The following MED13L variants were observed in gnomAD, a reference collection of about 807,000 sequenced individuals.
MED13L encodes the protein mediator complex subunit 13L, also known as mediator of RNA polymerase II transcription subunit 13-like.
A neutral mutation model predicts 220.9 loss-of-function variants in MED13L; 7 were observed. The observed-to-expected ratio is 0.03, with a 90% CI of 0.02 to 0.06. The LOEUF (loss-of-function observed/expected upper bound fraction) is 0.06. Ranked by LOEUF, MED13L falls within the 10% of genes least tolerant of loss-of-function variation. MED13L has a pLI of 1.00. For synonymous variants in MED13L, 1,011 were observed against 1,015.2 expected (o/e 1.00, Z 0.08); for missense variants, 1,965 against 2,760.5 (o/e 0.71, Z 6.46).
intron 4 of MED13L, among the ~76,000 whole-genome samples, chr12:116,059,401 A>T (rs1424621895): frequency 6.6e-6 from 1 of 151,778 alleles, no homozygotes; most frequent in East Asian, 1.9e-4. Flanking sequence ...ACCCTCCAGT[A>T]AAAAATTATA....
At position 115,960,146 on chromosome 12, in the gene MED13L, T is replaced by G. The variant is rs1007565064; in HGVS notation, c.*1120A>C. The G allele has an allele frequency of 6.6e-6, 1 of 152,656 alleles. No individual in the cohort carries two copies. Among genetic ancestry groups the G allele is most frequent in the Non-Finnish European group, 1.5e-5 (1 of 68,034 alleles). 9.5% of individuals were successfully genotyped at this position (152,656 alleles called of 1,614,324 possible). A position where few individuals can be genotyped will look rare whatever the true frequency, so the allele number is the denominator to read the frequency against. On this transcript the variant is annotated 3_prime_UTR_variant, in exon 31 of 31. Coordinates refer to ENST00000281928, the MANE Select transcript of MED13L (RefSeq NM_015335.5). ...AAGTACTAATTTAATGGTTAAGTTG[T>G]AATATTTCTTTGAAATAATATTCCT... is the stretch of plus-strand genomic sequence containing the variant.
chr12:116,093,517 G>A (rs897907492), intron 4 of MED13L, among the ~76,000 whole-genome samples: 1 of 151,918 alleles, frequency 6.6e-6, no homozygotes, highest in Non-Finnish European at 1.5e-5. Flanking sequence ...CTTTAAAGGA[G>A]TACAGAAAGA....
At chr12:116,004,793 G>A (rs1878949370) in intron 13 of MED13L, among the ~76,000 whole-genome samples, 1 of 151,982 alleles carries the variant, frequency 6.6e-6, no homozygotes, top group Non-Finnish European at 1.5e-5. Context: ...ACTTATAACA[G>A]TAATGGTATA....
At chr12:116,268,593 T>A (rs1196163503) in intron 1 of MED13L, among the ~76,000 whole-genome samples, 1 of 151,138 alleles carries the variant, frequency 6.6e-6, no homozygotes, top group Non-Finnish European at 1.5e-5. Context: ...TGAAACCGCC[T>A]GAGCAACATA....
intron 4 of MED13L, among the ~76,000 whole-genome samples, chr12:116,083,364 T>A (rs1271549917): frequency 7.6e-6 from 1 of 132,284 alleles, no homozygotes; most frequent in Non-Finnish European, 1.5e-5. Context: ...ATCGCGTCAC[T>A]GCACTTCAGC....
At chr12:116,160,452 T>C (rs528703988) in intron 2 of MED13L, among the ~76,000 whole-genome samples, 2 of 152,250 alleles carry the variant, frequency 1.3e-5, no homozygotes, top group African/African-American at 4.8e-5. Flanking sequence ...AGCAGCATGA[T>C]GTAGCAGGAA....
chr12:116,089,573 T>C (rs1349087545), intron 4 of MED13L, among the ~76,000 whole-genome samples: 2 of 152,180 alleles, frequency 1.3e-5, no homozygotes, highest in African/African-American at 4.8e-5. Context: ...TCAAGAGTCT[T>C]AAATTTTTAA....
At chr12:116,025,776 TAA>T (rs1880350616) in intron 4 of MED13L, among the ~76,000 whole-genome samples, 1 of 152,148 alleles carries the variant, frequency 6.6e-6, no homozygotes, top group Non-Finnish European at 1.5e-5. Context: ...TTAGAAACAA[TAA>T]GTTCTAGTAT....
intron 2 of MED13L, among the ~76,000 whole-genome samples, chr12:116,216,248 T>C (rs1310545879): frequency 7.2e-5 from 11 of 152,194 alleles, no homozygotes; most frequent in African/African-American, 2.7e-4. Context: ...TGGGTTCAAC[T>C]GATCCTCCAG....
chr12:116,134,922 C>G (rs1876399771), intron 2 of MED13L, among the ~76,000 whole-genome samples: 1 of 152,156 alleles, frequency 6.6e-6, no homozygotes, highest in Non-Finnish European at 1.5e-5. Context: ...GTAACCCCAG[C>G]ACTTTGGGAG....
chr12:116,008,016 C>G, intron 10 of MED13L: 1 of 329,776 alleles, frequency 3.0e-6, no homozygotes, highest in South Asian at 4.5e-5. Flanking sequence ...AAATATTATA[C>G]TAGATACATG....
chr12:116,152,900 G>C (rs964455473), intron 2 of MED13L, among the ~76,000 whole-genome samples: 4 of 151,668 alleles, frequency 2.6e-5, no homozygotes, highest in African/African-American at 9.7e-5. Context: ...ATTCTATCTA[G>C]ATTTTCATAT....
intron 2 of MED13L, among the ~76,000 whole-genome samples, chr12:116,125,580 T>A (rs964088737): frequency 3.3e-5 from 5 of 152,200 alleles, no homozygotes; most frequent in Non-Finnish European, 7.3e-5. Context: ...AAAATTTTCA[T>A]CATCTGAAAT....
intron 2 of MED13L, among the ~76,000 whole-genome samples, chr12:116,186,177 A>C (rs1237595914): frequency 6.6e-6 from 1 of 152,246 alleles, no homozygotes; most frequent in Non-Finnish European, 1.5e-5. Flanking sequence ...GAATTAACAT[A>C]GCATAGCTAT....
chr12:116,080,318 G>A (rs1438504132), intron 4 of MED13L, among the ~76,000 whole-genome samples: 2 of 152,168 alleles, frequency 1.3e-5, no homozygotes. Context: ...AAATAAAAAT[G>A]TGACAAAAAT....
chr12:115,990,944 T>A, intron 17 of MED13L, 76 bp downstream of exon 17: 1 of 1,506,612 alleles, frequency 6.6e-7, no homozygotes, highest in South Asian at 1.2e-5. Context: ...TTTTGTCAAA[T>A]ACAGTAAAGA....
At chr12:116,161,840 T>C (rs749414876) in intron 2 of MED13L, among the ~76,000 whole-genome samples, 1 of 152,126 alleles carries the variant, frequency 6.6e-6, no homozygotes, top group Non-Finnish European at 1.5e-5. Flanking sequence ...ACCTAACCAC[T>C]CCCCTCATCA....
At chr12:116,249,884 T>C (rs923489746) in intron 1 of MED13L, among the ~76,000 whole-genome samples, 1 of 150,788 alleles carries the variant, frequency 6.6e-6, no homozygotes, top group Non-Finnish European at 1.5e-5. Context: ...CAATCTAACA[T>C]ACACGCCATT....
At chr12:116,135,744 C>T (rs761205791) in intron 2 of MED13L, among the ~76,000 whole-genome samples, 1 of 152,118 alleles carries the variant, frequency 6.6e-6, no homozygotes, top group African/African-American at 2.4e-5. Flanking sequence ...GGAGCAAGTA[C>T]ATGTCCCTAA....
Sources: allele counts gnomAD v4.1 joint callset (sites outside exome capture counted in the v4.1 genomes callset), GRCh38; gene constraint gnomAD v4.1.1; transcripts MANE v1.5; gene names NCBI Gene and HGNC (gene_info 2026-07-23, HGNC 2026-07-21).